A2ML1: variants seen among roughly 807,000 people sequenced by gnomAD.
A2ML1 encodes alpha-2-macroglobulin like 1.
In A2ML1, 161 loss-of-function variants were observed where a neutral mutation model predicts 181.9. The observed-to-expected ratio is 0.89, with a 90% CI of 0.78 to 1.01. A2ML1 has a LOEUF of 1.01. Ranked by LOEUF, A2ML1 falls within the 50% of genes least tolerant of loss-of-function variation. A2ML1 has a pLI of 0.00. For synonymous variants in A2ML1, 663 were observed against 666.8 expected, an observed-to-expected ratio of 0.99 and a Z score of 0.09; for missense variants, 1,670 against 1,768.1, an observed-to-expected ratio of 0.94 and a Z score of 1.00.
intron 7 of A2ML1, among the ~76,000 whole-genome samples, chr12:8,885,140 G>A (rs775098436): frequency 3.3e-5 from 5 of 152,116 alleles, no homozygotes; most frequent in South Asian, 2.1e-4. Flanking sequence ...CTTCAGTACC[G>A]CAAATATCTT....
In A2ML1 at chr12:8,822,672, A is replaced by G. The variant is rs529431349; in HGVS notation, c.21A>G (p.Leu7=). Reference sequence around the variant, plus strand: ...CAAAGATGTGGGCTCAGCTCCTTCTAGGAATGTTGGCCCTATCACCAGCCA... The same window carrying G: ...CAAAGATGTGGGCTCAGCTCCTTCTGGGAATGTTGGCCCTATCACCAGCCA... MWAQLL[L]GMLALSPAIA... The change falls in exon 1 of 36, where the codon CTA becomes CTG. Residue 7 remains leucine, a synonymous_variant. Coordinates refer to ENST00000299698, the MANE Select transcript of A2ML1 (RefSeq NM_144670.6). The G allele has an allele frequency of 8.3e-5, 134 of 1,614,036 alleles. 1 individual carries two copies. The highest frequency in any genetic ancestry group is 1.1e-4 in the Non-Finnish European group (129 of 1,179,986).
Position 8,863,833 on chromosome 12 carries a change from C to A in A2ML1, c.3542C>A (p.Ser1181Ter). The change falls in exon 29 of 36, where the codon TCG (serine) becomes TAG (stop). Residue 1181 changes from serine (S) to a stop codon, truncating the protein, a stop_gained. Transcript: ENST00000299698. LOFTEE classifies it high-confidence loss of function. ...TGGAGCCAGAAACCTACTCCATCAT[C>A]GAACGCCAGCCCTTGGTCTGAGCCT... ...IYWSQKPTPS[S>*]NASPWSEPAA... is the part of the protein sequence containing the mutation. 6.2e-7 allele frequency: 1 copy of A among 1,614,214 alleles called. No homozygotes were observed.
At position 8,843,300 on chromosome 12, in the gene A2ML1, T is replaced by C. The variant is rs772464311; in HGVS notation, c.1415T>C (p.Val472Ala). 3 of 1,614,106 alleles carry C rather than the reference T, an allele frequency of 1.9e-6. No homozygotes were observed. In the African/African-American group the frequency reaches 4.0e-5, roughly 22 times the overall value. ...LKCGQPQEVL[V>A]DYYIDPADAS... ...TGTGGCCAGCCCCAGGAAGTGCTGG[T>C]GGATTATTACATCGACCCGGCCGAT... Residue 472 changes from valine (V) to alanine (A), a missense_variant, in exon 12 of 36, where the codon GTG becomes GCG. By Grantham distance (64) the Val-to-Ala change is moderately conservative (BLOSUM62 0). Coordinates refer to ENST00000299698, the MANE Select transcript of A2ML1 (RefSeq NM_144670.6).
chr12:8,873,803 CCT>C (rs1435050019), intron 33 of A2ML1, among the ~76,000 whole-genome samples: 2 of 152,008 alleles, frequency 1.3e-5, no homozygotes, highest in Non-Finnish European at 2.9e-5. Flanking sequence ...AAAATGCAAG[CCT>C]CTGTTTCTCT....
In A2ML1 at chr12:8,838,404, C is replaced by G; in HGVS notation, c.924C>G (p.Tyr308Ter). Residue 308 changes from tyrosine (Y) to a stop codon, truncating the protein, a stop_gained, in exon 9 of 36, where the codon TAC becomes TAG. Transcript: ENST00000299698. LOFTEE classifies it high-confidence loss of function. Reference protein sequence around the residue: ...MATFDLIGYAYSHQINIVATV... With the variant: ...MATFDLIGYA ...CCTTTGACCTCATTGGATATGCGTA[C>G]AGCCATCAAATCAATATTGTGGCTA... 1.9e-6 allele frequency: 3 copies of G among 1,613,976 alleles called. No homozygotes were observed. Among genetic ancestry groups the G allele is most frequent in the Non-Finnish European group, 2.5e-6 (3 of 1,179,948 alleles).
downstream of A2ML1, among the ~76,000 whole-genome samples, chr12:8,878,983 A>C (rs1944841756): frequency 6.6e-6 from 1 of 152,010 alleles, no homozygotes; most frequent in African/African-American, 2.4e-5. The surrounding 1 kb of genome is among the most constrained non-coding windows in gnomAD (Gnocchi z 4.4). Flanking sequence ...AATAAAATAA[A>C]ATAAATAAAA....
chr12:8,883,931 GCCCGC>G (rs1944893846), intron 7 of A2ML1, among the ~76,000 whole-genome samples: 1 of 151,956 alleles, frequency 6.6e-6, no homozygotes, highest in African/African-American at 2.4e-5. Flanking sequence ...GACTACAGGC[GCCCGC>G]CAACACGCCT....
At chr12:8,826,033 G>T (rs747720944) in intron 3 of A2ML1, among the ~76,000 whole-genome samples, 14 of 152,108 alleles carry the variant, frequency 9.2e-5, no homozygotes, top group Non-Finnish European at 1.8e-4. Context: ...GATTCTTCCA[G>T]CTTTGTTCTT....
chr12:8,874,530 G>C lies in A2ML1; in HGVS notation c.4324+3G>C. Reference sequence around the variant, plus strand: ...GGTCTATGACTACTACCTACCAGGTGAGAGGGCTGAGCTGAAATGAGATCT... The same window carrying C: ...GGTCTATGACTACTACCTACCAGGTCAGAGGGCTGAGCTGAAATGAGATCT... On this transcript the variant is annotated splice_donor_region_variant and intron_variant, in intron 34 of 35. Coordinates refer to ENST00000299698, the MANE Select transcript of A2ML1 (RefSeq NM_144670.6). 1 of 1,607,006 alleles carries C rather than the reference G, an allele frequency of 6.2e-7. No homozygotes were observed. The highest frequency in any genetic ancestry group is 8.5e-7 in the Non-Finnish European group (1 of 1,173,720).
chr12:8,848,261 A>AC (rs1303399612), intron 15 of A2ML1, among the ~76,000 whole-genome samples: 1 of 152,110 alleles, frequency 6.6e-6, no homozygotes, highest in Non-Finnish European at 1.5e-5. Context: ...CAGGCAGATC[A>AC]CCTGAGGTCT....
intron 10 of A2ML1, among the ~76,000 whole-genome samples, chr12:8,840,449 T>G (rs141013103): frequency 7.2e-5 from 11 of 152,332 alleles, no homozygotes; most frequent in African/African-American, 2.6e-4. Flanking sequence ...TTGTTCAGCT[T>G]ATCTTTCTTT....
At chr12:8,831,939 G>A (rs1201294351) in intron 4 of A2ML1, among the ~76,000 whole-genome samples, 3 of 152,076 alleles carry the variant, frequency 2.0e-5, no homozygotes, top group African/African-American at 4.8e-5. Flanking sequence ...TAGTAGAGAC[G>A]GGGTTTCTTC....
chr12:8,881,439 C>T (rs9669128), downstream of A2ML1, among the ~76,000 whole-genome samples: 6,316 of 152,240 alleles, frequency 0.041, 408 homozygotes, highest in African/African-American at 0.14. Flanking sequence ...GATTTGTTTA[C>T]GCAGATTCAA....
intron 5 of A2ML1, 69 bp downstream of exon 5, chr12:8,834,751 C>T (rs1347445224): frequency 1.9e-6 from 3 of 1,587,476 alleles, no homozygotes; most frequent in East Asian, 4.5e-5. Context: ...GGTGGTACAC[C>T]TTGAAGACAG....
intron 30 of A2ML1, 23 bp from the exon 31 acceptor site, chr12:8,868,207 G>A (rs748874670): frequency 1.2e-5 from 19 of 1,613,238 alleles, no homozygotes; most frequent in Non-Finnish European, 1.6e-5. Context: ...AGTCTGATTT[G>A]GCTACCTATT....
intron 22 of A2ML1, 44 bp from the exon 23 acceptor site, chr12:8,855,465 T>A (rs757643238): frequency 6.3e-7 from 1 of 1,593,086 alleles, no homozygotes; most frequent in East Asian, 2.2e-5. Flanking sequence ...ACCCCTGCCA[T>A]TCCCCATCTT....
intron 11 of A2ML1, 60 bp from the exon 12 acceptor site, chr12:8,843,074 C>A: frequency 6.8e-7 from 1 of 1,471,104 alleles, no homozygotes; most frequent in Non-Finnish European, 9.5e-7. Flanking sequence ...CGTAACAAGT[C>A]CGTGGGGTTT....
chr12:8,825,813 A>G (rs1942911291), intron 3 of A2ML1, among the ~76,000 whole-genome samples: 1 of 152,160 alleles, frequency 6.6e-6, no homozygotes, highest in Non-Finnish European at 1.5e-5. Flanking sequence ...TCTTCTGCAT[A>G]TGGATATCCA....
In A2ML1 at chr12:8,869,128, T is replaced by A. The variant is rs867909985; in HGVS notation, c.4153-7T>A. On this transcript the variant is annotated splice_region_variant and splice_polypyrimidine_tract_variant and intron_variant, in intron 32 of 35. Transcript: ENST00000299698. ...TAGTATCTTTTTTTTCTCCCTCTCT[T>A]ATTCAGCTTCTCCAGCAACCCCTGG... 1 of 1,614,074 alleles carries A rather than the reference T, an allele frequency of 6.2e-7. No homozygotes were observed.
Sources: gnomAD v4.1 joint callset for allele counts (sites outside exome capture counted in the v4.1 genomes callset) on GRCh38, gnomAD v4.1.1 for gene constraint, Gnocchi (gnomAD v3.1) non-coding constraint, MANE v1.5 for transcripts, NCBI Gene and HGNC (gene_info 2026-07-23, HGNC 2026-07-21) for gene names.